SAYSD1: variants seen among roughly 807,000 people sequenced by gnomAD.
SAYSD1 encodes SAYSVFN motif domain containing 1.
SAYSD1 carries 15 observed loss-of-function variants against 14.5 expected under a neutral mutation model. The ratio of observed to expected loss-of-function variants is 1.03; its 90% confidence interval spans 0.69 to 1.59. SAYSD1 has a LOEUF of 1.59. Among genes scored for constraint, SAYSD1 ranks in the 40% most tolerant of loss-of-function variants. SAYSD1 has a pLI of 0.00. For synonymous variants in SAYSD1, 105 were observed against 102.6 expected (o/e 1.02, Z -0.14); for missense variants, 247 against 227.3 (o/e 1.09, Z -0.56).
chr6:39,111,633 T>C (rs1256992164), intron 1 of SAYSD1: 3 of 152,208 alleles, frequency 2.0e-5, no homozygotes, highest in Non-Finnish European at 4.4e-5. Flanking sequence ...CAGAGGATCA[T>C]GAGAAACCTT....
At chr6:39,111,882 TAG>T (rs1562029474) in intron 1 of SAYSD1, 1 of 151,958 alleles carries the variant, frequency 6.6e-6, no homozygotes, top group Non-Finnish European at 1.5e-5. Context: ...TATCAAAAAG[TAG>T]AATGGAAACA....
intron 1 of SAYSD1, among the ~76,000 whole-genome samples, chr6:39,113,899 C>A (rs933287564): frequency 6.6e-6 from 1 of 152,212 alleles, no homozygotes; most frequent in Non-Finnish European, 1.5e-5. Context: ...CAGCTGGAAT[C>A]CTGTATATCA....
chr6:39,113,954 T>C (rs79071353), intron 1 of SAYSD1, among the ~76,000 whole-genome samples: 1,853 of 152,324 alleles, frequency 0.012, 50 homozygotes, highest in African/African-American at 0.043. Context: ...CAGTAATTTT[T>C]AAAAATTCCC....
chr6:39,104,520 G>A lies in SAYSD1; in HGVS notation c.*912C>T, dbSNP rs985561617. On this transcript the variant is annotated 3_prime_UTR_variant, in exon 2 of 2. Coordinates refer to ENST00000229903, the MANE Select transcript of SAYSD1 (RefSeq NM_018322.3). ...TGCGCATGCGAGGGATCTAGGTTGC[G>A]TGCTCCTTATGAGACTCTAATGCCT... The A allele has an allele frequency of 6.6e-6, 1 of 152,024 alleles. No individual in the cohort carries two copies. The highest frequency in any genetic ancestry group is 6.5e-5 in the Admixed American group (1 of 15,278). 9.4% of individuals were successfully genotyped at this position (152,024 alleles called of 1,614,324 possible).
At chr6:39,114,109 C>T (rs1032841249) in intron 1 of SAYSD1, among the ~76,000 whole-genome samples, 2 of 152,204 alleles carry the variant, frequency 1.3e-5, no homozygotes, top group Non-Finnish European at 2.9e-5. Flanking sequence ...GCACTGGGCA[C>T]AAATTGTTAC....
intron 1 of SAYSD1, chr6:39,109,329 A>C (rs767619825): frequency 6.4e-7 from 1 of 1,551,060 alleles, no homozygotes; most frequent in South Asian, 1.2e-5. Context: ...TTTTTGTCCT[A>C]ATGTGGAAGA....
At chr6:39,114,841 C>T in intron 1 of SAYSD1, 42 bp downstream of exon 1, 2 of 1,585,890 alleles carry the variant, frequency 1.3e-6, no homozygotes, top group Non-Finnish European at 1.7e-6. Context: ...TCGACTGTGG[C>T]TCCGAGGCCA....
intron 1 of SAYSD1, among the ~76,000 whole-genome samples, chr6:39,107,075 T>C (rs1429430613): frequency 1.3e-5 from 2 of 152,246 alleles, no homozygotes; most frequent in Admixed American, 1.3e-4. Context: ...AGATCTTCTA[T>C]ATTAATTTCA....
At chr6:39,107,488 C>T (rs190958818) in intron 1 of SAYSD1, among the ~76,000 whole-genome samples, 1 of 152,304 alleles carries the variant, frequency 6.6e-6, no homozygotes, top group East Asian at 1.9e-4. Flanking sequence ...CATGGCATCC[C>T]ATACTTAGGT....
At chr6:39,108,916 T>C (rs1769569263) in intron 1 of SAYSD1, among the ~76,000 whole-genome samples, 1 of 152,228 alleles carries the variant, frequency 6.6e-6, no homozygotes, top group South Asian at 2.1e-4. Context: ...GTTTTGTTTA[T>C]TGTCCTCCTT....
Position 39,114,923 on chromosome 6 carries a change from G to A in SAYSD1, c.167C>T (p.Pro56Leu). 1 of 1,613,462 alleles carries A rather than the reference G, an allele frequency of 6.2e-7. No individual in the cohort carries two copies. The highest frequency in any genetic ancestry group is 8.5e-7 in the Non-Finnish European group (1 of 1,179,904). ...CTGGGCCCGGGCACTCGCGGGCCTAGGTTTCCATACCAGGAACCGCTTTAG... is the reference window on the plus strand; with the variant it reads ...CTGGGCCCGGGCACTCGCGGGCCTAAGTTTCCATACCAGGAACCGCTTTAG... ...GWLKRFLVWK[P>L]RPASARAQPG... The change falls in exon 1 of 2, where the codon CCT becomes CTT. Residue 56 changes from proline (P) to leucine (L), a missense_variant. Physicochemically the swap from Pro to Leu is moderately conservative, Grantham distance 98 (BLOSUM62 -3). Coordinates refer to ENST00000229903, the MANE Select transcript of SAYSD1 (RefSeq NM_018322.3).
intron 1 of SAYSD1, chr6:39,111,374 G>C (rs1769622247): frequency 6.6e-6 from 1 of 151,128 alleles, no homozygotes; most frequent in South Asian, 2.1e-4. Flanking sequence ...GAAGAAGCTA[G>C]AAAGAAGCAC....
rs377706580 is a variant in SAYSD1 at position 39,105,525 on chromosome 6, A to G, written c.459T>C (p.Ser153=). The part of the protein sequence containing the change: ...EKKEGEKSAY[S]VFNPGCEAIQ... ...TGGCTTCACAGCCTGGATTGAACAC[A>G]GAGTAGGCGCTCTTCTCTCCCTCTT... Residue 153 remains serine (S), a synonymous_variant, in exon 2 of 2, where the codon TCT becomes TCC. Coordinates refer to ENST00000229903, the MANE Select transcript of SAYSD1 (RefSeq NM_018322.3). The G allele has an allele frequency of 4.3e-6, 7 of 1,614,218 alleles. No individual in the cohort carries two copies. The East Asian group carries it at 8.9e-5, about 21-fold the overall frequency.
intron 1 of SAYSD1, among the ~76,000 whole-genome samples, chr6:39,114,342 G>A (rs973272796): frequency 1.3e-5 from 2 of 152,154 alleles, no homozygotes; most frequent in Non-Finnish European, 2.9e-5. Flanking sequence ...ATTCACTATG[G>A]AACTGGAATA....
rs774986985 is a variant in SAYSD1, at chr6:39,115,028, G to C, written c.62C>G (p.Pro21Arg). 1 of 1,613,016 alleles carries C rather than the reference G, an allele frequency of 6.2e-7. No individual in the cohort carries two copies. The highest frequency in any genetic ancestry group is 8.5e-7 in the Non-Finnish European group (1 of 1,179,878). ...ARKRAGLAAQ[P>R]PAASQGAQTP... ...TTGTGCGCCCTGACTGGCAGCAGGGGGTTGGGCCGCCAGACCCGCCCGTTT... is the reference window on the plus strand; with the variant it reads ...TTGTGCGCCCTGACTGGCAGCAGGGCGTTGGGCCGCCAGACCCGCCCGTTT... Residue 21 changes from proline (P) to arginine (R), a missense_variant, in exon 1 of 2, where the codon CCC (proline) becomes CGC (arginine). Physicochemically the swap from Pro to Arg is moderately radical, Grantham distance 103. Transcript: ENST00000229903.
At chr6:39,107,460 C>T (rs542619061) in intron 1 of SAYSD1, among the ~76,000 whole-genome samples, 15 of 152,318 alleles carry the variant, frequency 9.8e-5, no homozygotes, top group South Asian at 2.1e-4. Flanking sequence ...CAGGAAGCCA[C>T]GTGTCTCCAG....
chr6:39,115,137 G>T lies in SAYSD1; in HGVS notation c.-48C>A, dbSNP rs1267281544. 1 of 1,551,692 alleles carries T rather than the reference G, an allele frequency of 6.4e-7. No individual in the cohort carries two copies. The highest frequency in any genetic ancestry group is 8.7e-7 in the Non-Finnish European group (1 of 1,152,314). On this transcript the variant is annotated 5_prime_UTR_variant, in exon 1 of 2. It adds an upstream start codon to the 5' untranslated region. Transcript: ENST00000229903. Reference sequence around the variant, plus strand: ...GCCGATAAGGGAGCGCGCGCCCGCAGGCCGCACAGCAGTTGCCTCCGCTCG... The same window carrying T: ...GCCGATAAGGGAGCGCGCGCCCGCATGCCGCACAGCAGTTGCCTCCGCTCG...
At chr6:39,114,600 C>A (rs1363850121) in intron 1 of SAYSD1, among the ~76,000 whole-genome samples, 1 of 152,270 alleles carries the variant, frequency 6.6e-6, no homozygotes, top group African/African-American at 2.4e-5. Context: ...GTCACGATAA[C>A]TCAATTCGGA....
At chr6:39,107,812 CAT>C (rs1583666570) in intron 1 of SAYSD1, among the ~76,000 whole-genome samples, 1 of 152,260 alleles carries the variant, frequency 6.6e-6, no homozygotes, top group East Asian at 1.9e-4. Flanking sequence ...AAGAAGAATG[CAT>C]CTGGGCAGTG....
Sources: gnomAD v4.1 joint callset for allele counts (sites outside exome capture counted in the v4.1 genomes callset) on GRCh38, gnomAD v4.1.1 for gene constraint, MANE v1.5 for transcripts, NCBI Gene and HGNC (gene_info 2026-07-23, HGNC 2026-07-21) for gene names.